SEC61A2: variants seen among roughly 807,000 people sequenced by gnomAD.
The protein encoded by SEC61A2 is SEC61 translocon subunit alpha 2.
A neutral mutation model predicts 59.9 loss-of-function variants in SEC61A2; 28 were observed. The observed-to-expected ratio is 0.47, with a 90% CI of 0.35 to 0.64. The LOEUF (loss-of-function observed/expected upper bound fraction) is 0.64. Ranked by LOEUF, SEC61A2 falls within the 30% of genes least tolerant of loss-of-function variation. SEC61A2 has a pLI of 0.01. For missense variants in SEC61A2, 340 were observed against 585.9 expected (o/e 0.58, Z 4.33); for synonymous variants, 202 against 214.4 (o/e 0.94, Z 0.50).
Position 12,165,345 on chromosome 10 carries a change from A to C in SEC61A2, c.*891A>C. The C allele has an allele frequency of 1.0e-6, 1 of 982,024 alleles. No individual in the cohort carries two copies. Among genetic ancestry groups the C allele is most frequent in the Non-Finnish European group, 1.2e-6 (1 of 826,828 alleles). The allele number at this position is 982,024 out of a possible 1,614,324, so 60.8% of individuals were successfully genotyped here. A position where few individuals can be genotyped will look rare whatever the true frequency, so the allele number is the denominator to read the frequency against. ...AACATGAGTGTAAACAGTAGACAATAAACTTTTATTTAAGAAAACTGATTC... is the reference window on the plus strand; with the variant it reads ...AACATGAGTGTAAACAGTAGACAATCAACTTTTATTTAAGAAAACTGATTC... On this transcript the variant is annotated 3_prime_UTR_variant, in exon 12 of 12. Coordinates refer to ENST00000298428, the MANE Select transcript of SEC61A2 (RefSeq NM_018144.4).
chr10:12,136,204 C>A, intron 3 of SEC61A2, 34 bp downstream of exon 3: 1 of 1,326,184 alleles, frequency 7.5e-7, no homozygotes, highest in Non-Finnish European at 1.1e-6. Context: ...AATGTCTGCA[C>A]CATTGTTCTA....
intron 3 of SEC61A2, among the ~76,000 whole-genome samples, chr10:12,139,553 C>T (rs181624606): frequency 0.011 from 1,740 of 151,910 alleles, 34 homozygotes; most frequent in African/African-American, 0.039. Flanking sequence ...GGGAGGCCAA[C>T]GCAGGCGGAT....
intron 3 of SEC61A2, among the ~76,000 whole-genome samples, chr10:12,140,091 A>G (rs1833982203): frequency 1.3e-5 from 2 of 152,180 alleles, no homozygotes; most frequent in Admixed American, 1.3e-4. Context: ...TTGCAGAAGT[A>G]AAGAAATTAC....
At chr10:12,167,905 T>C, downstream of SEC61A2, 1 of 1,552,420 alleles carries the variant, frequency 6.4e-7, no homozygotes, top group Non-Finnish European at 8.6e-7. Flanking sequence ...TACTACTATA[T>C]GTCACTTCCT....
At chr10:12,157,765 T>C (rs1267899639) in intron 8 of SEC61A2, 143 bp from the exon 9 acceptor site, 1 of 705,260 alleles carries the variant, frequency 1.4e-6, no homozygotes, top group Non-Finnish European at 2.4e-6. Flanking sequence ...CCTCCCAAAG[T>C]GTTGGGATTA....
At chr10:12,168,174 G>A (rs1834755090), downstream of SEC61A2, among the ~76,000 whole-genome samples, 1 of 151,956 alleles carries the variant, frequency 6.6e-6, no homozygotes, top group South Asian at 2.1e-4. This position sits in a 1 kb window ranked among gnomAD's most constrained non-coding sequence, Gnocchi z 4.8. Context: ...ATAGGCGCAC[G>A]CCACCACGCC....
At chr10:12,167,752 G>A (rs554035288), downstream of SEC61A2, 8 of 1,614,218 alleles carry the variant, frequency 5.0e-6, no homozygotes, top group South Asian at 7.7e-5. Flanking sequence ...GCATGTTTCA[G>A]TGCTAGAGCG....
At chr10:12,159,302 C>G (rs1393391400) in intron 9 of SEC61A2, among the ~76,000 whole-genome samples, 1 of 152,054 alleles carries the variant, frequency 6.6e-6, no homozygotes, top group African/African-American at 2.4e-5. Flanking sequence ...AGCCATCTAG[C>G]CACGCTGTTA....
At position 12,157,084 on chromosome 10, in the gene SEC61A2, C is replaced by A; in HGVS notation, c.777+17C>A. On this transcript the variant is annotated intron_variant, in intron 8 of 11. Coordinates refer to ENST00000298428, the MANE Select transcript of SEC61A2 (RefSeq NM_018144.4). ...TATTTCCAAGTAAGTATAACCTTTT[C>A]ACCAAAGTAAGTGGGATGTAGATTT... 1 of 1,607,014 alleles carries A rather than the reference C, an allele frequency of 6.2e-7. No individual in the cohort carries two copies. Among genetic ancestry groups the A allele is most frequent in the South Asian group, 1.1e-5 (1 of 90,368 alleles).
chr10:12,141,547 A>T (rs1308969765), intron 3 of SEC61A2, among the ~76,000 whole-genome samples: 1 of 152,214 alleles, frequency 6.6e-6, no homozygotes, highest in African/African-American at 2.4e-5. Flanking sequence ...TGTCCTCATT[A>T]TGGAAAATTT....
downstream of SEC61A2, chr10:12,167,868 T>G (rs1834745168): frequency 6.2e-7 from 1 of 1,605,604 alleles, no homozygotes; most frequent in African/African-American, 1.3e-5. Flanking sequence ...ACAAAACATC[T>G]TATTCAATCA....
At chr10:12,135,600 C>G (rs1833865772) in intron 2 of SEC61A2, among the ~76,000 whole-genome samples, 1 of 152,182 alleles carries the variant, frequency 6.6e-6, no homozygotes, top group African/African-American at 2.4e-5. Flanking sequence ...TTCTCATCAT[C>G]CATCTTTTCC....
At chr10:12,168,825 C>T (rs1159385714), downstream of SEC61A2, among the ~76,000 whole-genome samples, 4 of 151,924 alleles carry the variant, frequency 2.6e-5, no homozygotes, top group South Asian at 2.1e-4. This position sits in a 1 kb window ranked among gnomAD's most constrained non-coding sequence, Gnocchi z 4.8. Context: ...TGCAGTGCCA[C>T]GATCTTGGCT....
chr10:12,147,970 T>C (rs1290072084), intron 4 of SEC61A2, among the ~76,000 whole-genome samples: 1 of 150,738 alleles, frequency 6.6e-6, no homozygotes, highest in East Asian at 2.0e-4. Flanking sequence ...AGAGTCTCGC[T>C]CTGTCACCCA....
intron 6 of SEC61A2, among the ~76,000 whole-genome samples, chr10:12,151,364 T>C (rs1480912994): frequency 2.0e-5 from 3 of 150,094 alleles, no homozygotes; most frequent in East Asian, 3.9e-4. Flanking sequence ...CAGGCTGAAG[T>C]GCAGTGGCAC....
At position 12,152,992 on chromosome 10, in the gene SEC61A2, G is replaced by A. The variant is rs886081847; in HGVS notation, c.463-2786G>A. On this transcript the variant is annotated intron_variant, in intron 6 of 11. Coordinates refer to ENST00000298428, the MANE Select transcript of SEC61A2 (RefSeq NM_018144.4). This position sits in a 1 kb window ranked among gnomAD's most constrained non-coding sequence, Gnocchi z 5.5. ...GAGAATCGCTTGAACTCTGGAGTCG[G>A]AGTTTGCAGTGAGCCGAGGTCACAC... 5.9e-5 allele frequency among the ~76,000 whole-genome samples: 9 copies of A among 151,938 alleles called. No individual in the cohort carries two copies. The highest frequency in any genetic ancestry group is 8.8e-5 in the Non-Finnish European group (6 of 67,976).
chr10:12,143,607 C>T lies in SEC61A2; in HGVS notation c.220+412C>T, dbSNP rs1316733858. Among the ~76,000 whole-genome samples the T allele has an allele frequency of 1.3e-5, 2 of 152,092 alleles. No homozygotes were observed. Among genetic ancestry groups the T allele is most frequent in the African/African-American group, 4.8e-5 (2 of 41,420 alleles). On this transcript the variant is annotated intron_variant, in intron 4 of 11. Coordinates refer to ENST00000298428, the MANE Select transcript of SEC61A2 (RefSeq NM_018144.4). The surrounding 1 kb of genome is among the most constrained non-coding windows in gnomAD (Gnocchi z 4.8). Reference sequence around the variant, plus strand: ...AAAATTAGCCAGGTGTGGGTATGCACCTGTAATCCCAGCTACTCAGGAGGC... The same window carrying T: ...AAAATTAGCCAGGTGTGGGTATGCATCTGTAATCCCAGCTACTCAGGAGGC...
In SEC61A2 at chr10:12,155,972, A is replaced by G. The variant is rs1265649377; in HGVS notation, c.616+41A>G. ...ACTGCAACTGCACGCGTTTTGCTGG[A>G]TGTGTGCTGGGAACAAACCCATCGT... On this transcript the variant is annotated intron_variant, in intron 7 of 11. Coordinates refer to ENST00000298428, the MANE Select transcript of SEC61A2 (RefSeq NM_018144.4). The surrounding 1 kb of genome is among the most constrained non-coding windows in gnomAD (Gnocchi z 4.3). 6.2e-7 allele frequency: 1 copy of G among 1,611,286 alleles called. No homozygotes were observed. The highest frequency in any genetic ancestry group is 1.3e-5 in the African/African-American group (1 of 74,870).
At chr10:12,167,847 G>A (rs201510645), downstream of SEC61A2, 314 of 1,610,150 alleles carry the variant, frequency 2.0e-4, no homozygotes, top group Non-Finnish European at 2.5e-4. Context: ...AGATCATGCC[G>A]TTAAGGAAGG....
Sources: allele counts gnomAD v4.1 joint callset (sites outside exome capture counted in the v4.1 genomes callset), GRCh38; gene constraint gnomAD v4.1.1; non-coding constraint Gnocchi (gnomAD v3.1); transcripts MANE v1.5; gene names NCBI Gene and HGNC (gene_info 2026-07-23, HGNC 2026-07-21).